The following CACNA2D1 variants were observed in gnomAD, a reference collection of about 807,000 sequenced individuals.
CACNA2D1 encodes calcium voltage-gated channel auxiliary subunit alpha2delta 1.
A neutral mutation model predicts 171.5 loss-of-function variants in CACNA2D1; 53 were observed. The observed-to-expected ratio is 0.31, with a 90% CI of 0.25 to 0.39. The LOEUF is 0.39. Ranked by LOEUF, CACNA2D1 falls within the 10% of genes least tolerant of loss-of-function variation. The pLI is 1.00. For missense variants in CACNA2D1, 903 were observed against 1,299.8 expected (o/e 0.69, Z 4.69); for synonymous variants, 442 against 443.1 (o/e 1.00, Z 0.03).
chr7:82,431,044 C>T (rs916712639), intron 1 of CACNA2D1, among the ~76,000 whole-genome samples: 8 of 152,166 alleles, frequency 5.3e-5, no homozygotes, highest in East Asian at 1.9e-4. Context: ...GCTTTCTTCA[C>T]GGTCTCTTTT....
chr7:82,167,320 G>A (rs17155962), intron 4 of CACNA2D1, among the ~76,000 whole-genome samples: 14,977 of 151,966 alleles, frequency 0.099, 1,118 homozygotes, highest in African/African-American at 0.2. Flanking sequence ...CAAAACAAGA[G>A]ATTTAATGTT....
chr7:82,058,064 A>C (rs1255905062), intron 10 of CACNA2D1, among the ~76,000 whole-genome samples: 2 of 152,054 alleles, frequency 1.3e-5, no homozygotes, highest in Admixed American at 6.6e-5. Context: ...TGTTTTTCCC[A>C]CACACAGGGA....
chr7:81,970,094 T>A (rs545940961), intron 27 of CACNA2D1, 110 bp from the exon 28 acceptor site: 9 of 728,266 alleles, frequency 1.2e-5, no homozygotes, highest in African/African-American at 7.0e-5. Context: ...CAGGTATGTC[T>A]AAAGAAGTTA....
chr7:82,181,766 T>C (rs1286061625), intron 3 of CACNA2D1, among the ~76,000 whole-genome samples: 1 of 152,236 alleles, frequency 6.6e-6, no homozygotes, highest in African/African-American at 2.4e-5. Context: ...CATTCAGAAA[T>C]TTAATTGTAA....
At chr7:82,226,355 A>C (rs770553651) in intron 3 of CACNA2D1, among the ~76,000 whole-genome samples, 13 of 152,188 alleles carry the variant, frequency 8.5e-5, no homozygotes, top group Non-Finnish European at 5.9e-5. Context: ...GCAACCCTTC[A>C]AGAAAAATAT....
At position 81,955,918 on chromosome 7, in the gene CACNA2D1, G is replaced by C. The variant is rs1312927551; in HGVS notation, c.3159+3357C>G. 2.3e-4 allele frequency among the ~76,000 whole-genome samples: 18 copies of C among 78,552 alleles called. 2 individuals carry two copies. In the East Asian group the frequency reaches 5.5e-3, roughly 24 times the overall value. The allele number at this position is 78,552 out of a possible 152,430, so 51.5% of individuals were successfully genotyped here. A position where few individuals can be genotyped will look rare whatever the true frequency, so the allele number is the denominator to read the frequency against. ...ATGTTATTTTGGTGGGGGGGGGGGG[G>C]GGTGGTGGTCTTAGGTTAAAAAGAT... On this transcript the variant is annotated intron_variant, in intron 38 of 38. Transcript: ENST00000356860.
intron 3 of CACNA2D1, among the ~76,000 whole-genome samples, chr7:82,215,056 T>C (rs1407892262): frequency 6.6e-6 from 1 of 152,176 alleles, no homozygotes; most frequent in African/African-American, 2.4e-5. Context: ...TTGACCCTCC[T>C]GGTCTTAAAG....
chr7:82,270,075 T>C (rs1461983644), intron 3 of CACNA2D1, among the ~76,000 whole-genome samples: 1 of 152,322 alleles, frequency 6.6e-6, no homozygotes, highest in East Asian at 1.9e-4. Context: ...CTGGTTTCCA[T>C]ATCTTGAATT....
At chr7:82,245,290 A>G (rs1008886655) in intron 3 of CACNA2D1, among the ~76,000 whole-genome samples, 1 of 152,180 alleles carries the variant, frequency 6.6e-6, no homozygotes, top group Non-Finnish European at 1.5e-5. Context: ...AGGTGAGGCA[A>G]AAGTCTCTGA....
chr7:81,948,885 A>T lies in CACNA2D1; in HGVS notation c.*1507T>A, dbSNP rs188348750. ...ATAATCTGCTACCATATTAGTCTAT[A>T]ATGAAATATCTGATTTACTACACTA... On this transcript the variant is annotated 3_prime_UTR_variant, in exon 39 of 39. Transcript: ENST00000356860. 1.1e-4 allele frequency: 17 copies of T among 152,126 alleles called. No homozygotes were observed. The highest frequency in any genetic ancestry group is 1.0e-3 in the Admixed American group (16 of 15,262). 9.4% of individuals were successfully genotyped at this position (152,126 alleles called of 1,614,324 possible).
At chr7:82,053,380 A>C (rs1406502912) in intron 10 of CACNA2D1, among the ~76,000 whole-genome samples, 1 of 151,806 alleles carries the variant, frequency 6.6e-6, no homozygotes, top group African/African-American at 2.4e-5. Context: ...TCTGAGGAGC[A>C]AATCTATGTC....
At chr7:82,011,004 G>A (rs529469247) in intron 15 of CACNA2D1, among the ~76,000 whole-genome samples, 102 of 152,192 alleles carry the variant, frequency 6.7e-4, no homozygotes, top group African/African-American at 2.4e-3. Context: ...TAAAGCTTAA[G>A]TGCGATGATT....
At chr7:82,220,168 G>T (rs2129246225) in intron 3 of CACNA2D1, among the ~76,000 whole-genome samples, 1 of 152,222 alleles carries the variant, frequency 6.6e-6, no homozygotes, top group Admixed American at 6.5e-5. Context: ...CTACGAAAAT[G>T]TTCAGGCATT....
intron 2 of CACNA2D1, among the ~76,000 whole-genome samples, chr7:82,343,625 A>G (rs1053641819): frequency 1.3e-5 from 2 of 152,196 alleles, no homozygotes; most frequent in South Asian, 2.1e-4. Flanking sequence ...CACAAATAAC[A>G]GAAACTCTCT....
intron 1 of CACNA2D1, among the ~76,000 whole-genome samples, chr7:82,394,820 G>A (rs191469062): frequency 1.1e-3 from 174 of 152,268 alleles, no homozygotes; most frequent in African/African-American, 4.1e-3. Flanking sequence ...ACTTTTATTA[G>A]TGAGAATGTA....
intron 3 of CACNA2D1, among the ~76,000 whole-genome samples, chr7:82,256,840 G>A (rs1312072935): frequency 6.6e-6 from 1 of 152,054 alleles, no homozygotes; most frequent in Non-Finnish European, 1.5e-5. Flanking sequence ...AAAATTTTAG[G>A]TAAGATACAT....
rs1294796402 is a variant in CACNA2D1 at position 81,949,056 on chromosome 7, C to T, written c.*1336G>A. Reference sequence around the variant, plus strand: ...AACTTGCATGGAAATTTTGGCCAAACGATCATACCATTTAAAATGGAAGGG... The same window carrying T: ...AACTTGCATGGAAATTTTGGCCAAATGATCATACCATTTAAAATGGAAGGG... On this transcript the variant is annotated 3_prime_UTR_variant, in exon 39 of 39. Transcript: ENST00000356860. The T allele has an allele frequency of 6.6e-6, 1 of 151,854 alleles. No homozygotes were observed. The highest frequency in any genetic ancestry group is 1.5e-5 in the Non-Finnish European group (1 of 67,888). The allele number at this position is 151,854 out of a possible 1,614,324, so 9.4% of individuals were successfully genotyped here. A position where few individuals can be genotyped will look rare whatever the true frequency, so the allele number is the denominator to read the frequency against.
intron 3 of CACNA2D1, among the ~76,000 whole-genome samples, chr7:82,276,680 T>A (rs1383393141): frequency 6.6e-6 from 1 of 152,198 alleles, no homozygotes; most frequent in Non-Finnish European, 1.5e-5. Context: ...AAACACTTAC[T>A]GGGACAGCTT....
intron 38 of CACNA2D1, among the ~76,000 whole-genome samples, chr7:81,954,353 T>C (rs1792966769): frequency 6.6e-6 from 1 of 151,950 alleles, no homozygotes; most frequent in African/African-American, 2.4e-5. Flanking sequence ...TTATTAGACT[T>C]CCTTATAGGG....
Sources: gnomAD v4.1 joint callset for allele counts (sites outside exome capture counted in the v4.1 genomes callset) on GRCh38, gnomAD v4.1.1 for gene constraint, MANE v1.5 for transcripts, NCBI Gene and HGNC (gene_info 2026-07-23, HGNC 2026-07-21) for gene names.